MAOA: variants seen among roughly 807,000 people sequenced by gnomAD.
MAOA encodes the protein monoamine oxidase A.
In MAOA, 6 loss-of-function variants were observed where a neutral mutation model predicts 42.0. The observed-to-expected ratio is 0.14, with a 90% CI of 0.08 to 0.28. The LOEUF is 0.28. Ranked by LOEUF, MAOA falls within the 10% of genes least tolerant of loss-of-function variation. MAOA has a pLI of 1.00. For missense variants in MAOA, 262 were observed against 422.3 expected, an observed-to-expected ratio of 0.62 and a Z score of 3.33; for synonymous variants, 140 against 154.0, an observed-to-expected ratio of 0.91 and a Z score of 0.67.
At chrX:43,744,269 G>A in intron 14 of MAOA, 98 bp downstream of exon 14, 1 of 1,118,814 alleles carries the variant, frequency 8.9e-7, no homozygotes, top group Non-Finnish European at 1.2e-6. Context: ...AATTATAGAT[G>A]CAACTATCCC....
At chrX:43,715,284 A>G (rs2033733797) in intron 5 of MAOA, among the ~76,000 whole-genome samples, 1 of 109,854 alleles carries the variant, frequency 9.1e-6, no homozygotes, top group Non-Finnish European at 1.9e-5. Flanking sequence ...GTTTCTTCCA[A>G]GAATGACTCA....
chrX:43,731,732 T>C lies in MAOA; in HGVS notation c.834T>C (p.Thr278=). ...TTAATGCGATCCCTCCGACCTTGAC[T>C]GCCAAGATTCACTTCAGACCAGAGC... ...YVINAIPPTL[T]AKIHFRPELP... The change falls in exon 8 of 15, where the codon ACT becomes ACC. Residue 278 remains threonine (T), a synonymous_variant. Transcript: ENST00000338702. 1.7e-6 allele frequency: 2 copies of C among 1,211,565 alleles called. No individual in the cohort carries two copies. The highest frequency in any genetic ancestry group is 2.2e-6 in the Non-Finnish European group (2 of 895,232).
intron 1 of MAOA, chrX:43,657,838 C>T (rs2033197082): frequency 1.5e-6 from 1 of 665,750 alleles, no homozygotes; most frequent in Non-Finnish European, 1.8e-6. Context: ...TTTATCTGAA[C>T]CCAACATTGT....
At chrX:43,670,795 T>C (rs1200399800) in intron 1 of MAOA, among the ~76,000 whole-genome samples, 126 of 109,906 alleles carry the variant, frequency 1.1e-3, no homozygotes, top group Middle Eastern at 9.4e-3. Flanking sequence ...GGCTGCATAG[T>C]ATTCCATGGT....
At chrX:43,695,876 G>A (rs1401576506) in intron 3 of MAOA, among the ~76,000 whole-genome samples, 1 of 112,310 alleles carries the variant, frequency 8.9e-6, no homozygotes, top group Non-Finnish European at 1.9e-5. Flanking sequence ...ATAAAGTTCT[G>A]TTTGAGAATT....
chrX:43,674,150 T>C (rs1320961458), intron 1 of MAOA, among the ~76,000 whole-genome samples: 2 of 111,424 alleles, frequency 1.8e-5, no homozygotes, highest in Admixed American at 1.9e-4. Context: ...TGCATATATA[T>C]TTAGGATAGA....
rs2033770620 is a variant in MAOA, at chrX:43,719,391, T to G, written c.503+6595T>G. Among the ~76,000 whole-genome samples the G allele has an allele frequency of 2.7e-5, 3 of 110,098 alleles. No individual in the cohort carries two copies. The Admixed American group carries it at 2.9e-4, about 11-fold the overall frequency. On this transcript the variant is annotated intron_variant, in intron 5 of 14. Transcript: ENST00000338702. ...GCAGTAGGTAACAGTGGATTGGGTTTAGAGAGATGGTGTCTTCCAGCAATC... is the reference window on the plus strand; with the variant it reads ...GCAGTAGGTAACAGTGGATTGGGTTGAGAGAGATGGTGTCTTCCAGCAATC...
At chrX:43,702,659 C>T (rs1248446567) in intron 3 of MAOA, among the ~76,000 whole-genome samples, 2 of 111,825 alleles carry the variant, frequency 1.8e-5, no homozygotes, top group South Asian at 3.7e-4. Context: ...GAAACTGAAT[C>T]GTTTTCATTC....
At chrX:43,730,769 C>T (rs2033875078) in intron 6 of MAOA, among the ~76,000 whole-genome samples, 3 of 110,832 alleles carry the variant, frequency 2.7e-5, no homozygotes, top group African/African-American at 9.9e-5. Context: ...TAAAAGCACC[C>T]TGTAACTTTG....
intron 3 of MAOA, among the ~76,000 whole-genome samples, chrX:43,696,687 G>A (rs1256962284): frequency 9.4e-6 from 1 of 106,335 alleles, no homozygotes; most frequent in African/African-American, 3.5e-5. Flanking sequence ...AGCGAGCCAC[G>A]ATTGCGCCAC....
intron 5 of MAOA, among the ~76,000 whole-genome samples, chrX:43,717,024 G>A (rs1454877985): frequency 9.0e-6 from 1 of 110,510 alleles, no homozygotes; most frequent in Admixed American, 9.6e-5. Context: ...GACACAAAGT[G>A]GTTAAGGTGA....
At chrX:43,704,516 A>C (rs2033646075) in intron 3 of MAOA, among the ~76,000 whole-genome samples, 1 of 111,271 alleles carries the variant, frequency 9.0e-6, no homozygotes, top group Non-Finnish European at 1.9e-5. Context: ...TCTACAAAAA[A>C]CCCACAGCTA....
chrX:43,729,017 A>G (rs1451625888), intron 6 of MAOA, among the ~76,000 whole-genome samples: 1 of 112,748 alleles, frequency 8.9e-6, no homozygotes, highest in Non-Finnish European at 1.9e-5. Context: ...CTTGGATGGT[A>G]TGAGGTTTAA....
chrX:43,743,000 C>A (rs1173314507), intron 12 of MAOA, among the ~76,000 whole-genome samples: 1 of 110,051 alleles, frequency 9.1e-6, no homozygotes, highest in Non-Finnish European at 1.9e-5. Flanking sequence ...GTCTAGAAGA[C>A]AAGACTAAGA....
At chrX:43,738,193 A>T (rs2033934238) in intron 10 of MAOA, among the ~76,000 whole-genome samples, 1 of 112,162 alleles carries the variant, frequency 8.9e-6, no homozygotes, top group Admixed American at 9.5e-5. Context: ...GTTCAACGAG[A>T]TGATTTGCAC....
intron 1 of MAOA, among the ~76,000 whole-genome samples, chrX:43,675,722 C>T (rs921506234): frequency 7.1e-5 from 8 of 112,271 alleles, no homozygotes; most frequent in Admixed American, 1.9e-4. Flanking sequence ...ACCCTGTTTG[C>T]CTGGGTATCA....
chrX:43,714,654 T>A (rs1484663152), intron 5 of MAOA, among the ~76,000 whole-genome samples: 6 of 109,314 alleles, frequency 5.5e-5, no homozygotes, highest in Non-Finnish European at 1.1e-4. Context: ...CCTGGTTGCA[T>A]CTTCCAGGAA....
Position 43,693,329 on chromosome X carries a change from T to C in MAOA, c.207T>C (p.Tyr69=). The C allele has an allele frequency of 2.5e-6, 3 of 1,210,392 alleles. No homozygotes were observed. The highest frequency in any genetic ancestry group is 3.4e-6 in the Non-Finnish European group (3 of 893,967). Residue 69 remains tyrosine, a synonymous_variant, in exon 3 of 15, where the codon TAT becomes TAC. Transcript: ENST00000338702. ...HVDYVDVGGA[Y]VGPTQNRILR... is the part of the protein sequence containing the mutation. ...ATTACGTAGATGTTGGTGGAGCTTA[T>C]GTGGGACCAACCCAAAACAGAATCT... is the stretch of plus-strand genomic sequence containing the variant.
intron 2 of MAOA, 34 bp downstream of exon 2, chrX:43,683,641 A>G: frequency 2.8e-6 from 3 of 1,056,615 alleles, no homozygotes; most frequent in Non-Finnish European, 4.0e-6. Flanking sequence ...GTAATGTAAT[A>G]TCTCACTCAA....
Sources: gnomAD v4.1 joint callset for allele counts (sites outside exome capture counted in the v4.1 genomes callset) on GRCh38, gnomAD v4.1.1 for gene constraint, MANE v1.5 for transcripts, NCBI Gene and HGNC (gene_info 2026-07-23, HGNC 2026-07-21) for gene names.